Variants in HLCS observed in about 807,000 individuals in gnomAD.
HLCS encodes the protein holocarboxylase synthetase.
A neutral mutation model predicts 75.0 loss-of-function variants in HLCS; 53 were observed. That is an observed-to-expected ratio of 0.71 (90% confidence interval 0.57 to 0.89). The LOEUF (loss-of-function observed/expected upper bound fraction) is 0.89, where lower values mean the gene tolerates loss of function less well. Among genes scored for constraint, HLCS ranks in the 40% least tolerant of loss-of-function variants. HLCS has a pLI of 0.00. For missense variants in HLCS, 966 were observed against 1,074.0 expected, an observed-to-expected ratio of 0.90 and a Z score of 1.41; for synonymous variants, 431 against 428.6, an observed-to-expected ratio of 1.01 and a Z score of -0.07.
At chr21:36,889,672 T>C (rs2146306119) in intron 6 of HLCS, among the ~76,000 whole-genome samples, 1 of 152,268 alleles carries the variant, frequency 6.6e-6, no homozygotes, top group Middle Eastern at 3.4e-3. Context: ...GCAAAGGGAT[T>C]CCTGAGCTGT....
chr21:36,780,421 T>C (rs527890797), intron 6 of HLCS, among the ~76,000 whole-genome samples: 6 of 152,002 alleles, frequency 3.9e-5, no homozygotes, highest in Middle Eastern at 3.4e-3. Flanking sequence ...GGTTTCACCA[T>C]GTTAGCCAGG....
intron 5 of HLCS, among the ~76,000 whole-genome samples, chr21:36,914,531 G>A (rs2065847560): frequency 6.6e-6 from 1 of 152,142 alleles, no homozygotes; most frequent in Non-Finnish European, 1.5e-5. Context: ...AGGATTTACT[G>A]CATTTTTTTG....
Position 36,780,304 on chromosome 21 carries a change from G to A in HLCS, c.1893-13019C>T, listed in dbSNP as rs140200736. 1.6e-3 allele frequency among the ~76,000 whole-genome samples: 248 copies of A among 152,046 alleles called. 1 individual carries two copies. The highest frequency in any genetic ancestry group is 6.8e-3 in the Middle Eastern group (2 of 294). On this transcript the variant is annotated intron_variant, in intron 6 of 10. Coordinates refer to ENST00000674895, the MANE Select transcript of HLCS (RefSeq NM_001352514.2). ...GTTGCCCAGGCTGGAGTGCAGTGGC[G>A]CGATCCCAGGTTCACACCATTCTCC...
chr21:36,805,510 T>C (rs1287470874), intron 6 of HLCS, among the ~76,000 whole-genome samples: 1 of 152,174 alleles, frequency 6.6e-6, no homozygotes, highest in Non-Finnish European at 1.5e-5. Context: ...GGGCCCCTCT[T>C]GTCTGGCAGG....
upstream of HLCS, among the ~76,000 whole-genome samples, chr21:36,970,704 A>C (rs1403310678): frequency 6.6e-6 from 1 of 151,924 alleles, no homozygotes; most frequent in African/African-American, 2.4e-5. Context: ...ACTATGTAGA[A>C]AATCTTCGCC....
intron 6 of HLCS, among the ~76,000 whole-genome samples, chr21:36,852,512 T>C (rs1442799520): frequency 1.3e-5 from 2 of 152,192 alleles, no homozygotes; most frequent in African/African-American, 2.4e-5. Flanking sequence ...TCCTGCTGCT[T>C]GGTGCCAGGC....
intron 6 of HLCS, among the ~76,000 whole-genome samples, chr21:36,869,548 C>T (rs1205261068): frequency 1.3e-5 from 2 of 152,210 alleles, no homozygotes; most frequent in Admixed American, 6.5e-5. Context: ...AACTGCATTT[C>T]ATACTTTCAA....
rs768688561 is a variant in HLCS, at chr21:36,936,652, T to G, written c.1234A>C (p.Lys412Gln). 1 of 1,614,248 alleles carries G rather than the reference T, an allele frequency of 6.2e-7. No individual in the cohort carries two copies. Among genetic ancestry groups the G allele is most frequent in the Non-Finnish European group, 8.5e-7 (1 of 1,180,046 alleles). Residue 412 changes from lysine (K) to glutamine (Q), a missense_variant, in exon 4 of 11, where the codon AAG (lysine) becomes CAG (glutamine). Transcript: ENST00000674895. Reference sequence around the variant, plus strand: ...GAGAAAACCAAGTTCTGGACTGTCTTGTGCAGTGCACCCTTGCTTGTCACC... The same window carrying G: ...GAGAAAACCAAGTTCTGGACTGTCTGGTGCAGTGCACCCTTGCTTGTCACC... ...FQVTSKGALH[K>Q]TVQNLVFSKA...
intron 6 of HLCS, among the ~76,000 whole-genome samples, chr21:36,857,726 T>A (rs781414078): frequency 2.0e-5 from 3 of 152,190 alleles, no homozygotes; most frequent in Non-Finnish European, 4.4e-5. Flanking sequence ...TGATCCTGTT[T>A]TCCCCATAAA....
chr21:36,822,390 G>A (rs1044030722), intron 6 of HLCS, among the ~76,000 whole-genome samples: 2 of 152,112 alleles, frequency 1.3e-5, no homozygotes, highest in Non-Finnish European at 2.9e-5. Context: ...ACTGTGTGAC[G>A]CAGTGACGGA....
At chr21:36,797,453 T>C (rs1298740907) in intron 6 of HLCS, among the ~76,000 whole-genome samples, 1 of 152,114 alleles carries the variant, frequency 6.6e-6, no homozygotes, top group African/African-American at 2.4e-5. Context: ...TTTGCTTATG[T>C]TTGTGTTTTC....
intron 6 of HLCS, among the ~76,000 whole-genome samples, chr21:36,784,403 C>T (rs1030589866): frequency 6.6e-6 from 1 of 151,154 alleles, no homozygotes; most frequent in Non-Finnish European, 1.5e-5. Context: ...GAACCCTCTA[C>T]CTCCCAGGTT....
chr21:36,767,109 CT>C (rs1236171236), intron 7 of HLCS, 108 bp downstream of exon 7: 1 of 1,061,448 alleles, frequency 9.4e-7, no homozygotes, highest in African/African-American at 1.6e-5. Context: ...AATCTACTAA[CT>C]TGAGTCCCCC....
chr21:36,828,008 T>C (rs1188196827), intron 6 of HLCS, among the ~76,000 whole-genome samples: 1 of 151,916 alleles, frequency 6.6e-6, no homozygotes, highest in Non-Finnish European at 1.5e-5. Flanking sequence ...AGAGATGGGG[T>C]TTCACCGTGT....
intron 2 of HLCS, among the ~76,000 whole-genome samples, chr21:36,942,378 G>A (rs1325517956): frequency 1.6e-5 from 2 of 123,412 alleles, no homozygotes; most frequent in East Asian, 2.4e-4. Context: ...CAGCCTGGGC[G>A]ACAGAGCAAG....
chr21:36,806,644 A>G (rs1386613394), intron 6 of HLCS, among the ~76,000 whole-genome samples: 1 of 152,236 alleles, frequency 6.6e-6, no homozygotes, highest in African/African-American at 2.4e-5. Flanking sequence ...TGGTGAAACT[A>G]GAGCAATTCC....
chr21:36,872,120 T>C (rs983908727), intron 6 of HLCS, among the ~76,000 whole-genome samples: 1 of 152,142 alleles, frequency 6.6e-6, no homozygotes, highest in Non-Finnish European at 1.5e-5. Context: ...ATTGCAGATA[T>C]ACCCTTTAAT....
intron 6 of HLCS, among the ~76,000 whole-genome samples, chr21:36,813,878 C>T (rs911180125): frequency 2.6e-5 from 4 of 152,098 alleles, no homozygotes; most frequent in Admixed American, 2.6e-4. Context: ...AATAAGAAAA[C>T]TTAATAGTCA....
At chr21:36,965,415 G>C (rs1029219993) in intron 1 of HLCS, among the ~76,000 whole-genome samples, 5 of 152,194 alleles carry the variant, frequency 3.3e-5, no homozygotes, top group Non-Finnish European at 7.3e-5. Context: ...TCCAAAAACA[G>C]CTGAATGGAA....
Sources: gnomAD v4.1 joint callset for allele counts (sites outside exome capture counted in the v4.1 genomes callset) on GRCh38, gnomAD v4.1.1 for gene constraint, MANE v1.5 for transcripts, NCBI Gene and HGNC (gene_info 2026-07-23, HGNC 2026-07-21) for gene names.